Variants in KCNK10 observed in about 807,000 individuals in gnomAD.
KCNK10 encodes potassium channel subfamily K member 10.
A neutral mutation model predicts 47.7 loss-of-function variants in KCNK10; 25 were observed. That is an observed-to-expected ratio of 0.52 (90% CI 0.38 to 0.73). The LOEUF is 0.73. Among genes scored for constraint, KCNK10 ranks in the 30% least tolerant of loss-of-function variants. The pLI, the probability that KCNK10 is intolerant of heterozygous loss-of-function variation, is 0.00. For synonymous variants in KCNK10, 303 were observed against 285.6 expected, an observed-to-expected ratio of 1.06 and a Z score of -0.61; for missense variants, 563 against 714.5, an observed-to-expected ratio of 0.79 and a Z score of 2.42.
intron 4 of KCNK10, among the ~76,000 whole-genome samples, chr14:88,215,758 CAG>C (rs1566688368): frequency 6.6e-6 from 1 of 151,924 alleles, no homozygotes; most frequent in Non-Finnish European, 1.5e-5. Flanking sequence ...GAGAGAGAGA[CAG>C]AGAGACAGAG....
intron 2 of KCNK10, among the ~76,000 whole-genome samples, chr14:88,248,722 C>G (rs1415872019): frequency 1.3e-5 from 2 of 151,078 alleles, no homozygotes; most frequent in Non-Finnish European, 2.9e-5. Context: ...CAAGACTGCC[C>G]TTTACAGAAC....
rs1488312329 is a variant in KCNK10, at chr14:88,260,940, T to C, written c.402+2262A>G. On this transcript the variant is annotated intron_variant, in intron 2 of 6. Transcript: ENST00000319231. The surrounding 1 kb of genome is among the most constrained non-coding windows in gnomAD (Gnocchi z 4.5). Reference sequence around the variant, plus strand: ...AGCATCAGAATAAGGACCTCCACGCTCTCTGACCCTGTCCTTCATTCAGGT... The same window carrying C: ...AGCATCAGAATAAGGACCTCCACGCCCTCTGACCCTGTCCTTCATTCAGGT... Among the ~76,000 whole-genome samples the C allele has an allele frequency of 1.3e-5, 2 of 152,260 alleles. No homozygotes were observed. Among genetic ancestry groups the C allele is most frequent in the South Asian group, 4.1e-4 (2 of 4,820 alleles).
intron 1 of KCNK10, among the ~76,000 whole-genome samples, chr14:88,284,689 G>A (rs1370147601): frequency 2.0e-5 from 3 of 152,070 alleles, no homozygotes; most frequent in Admixed American, 6.5e-5. Flanking sequence ...TTTTTTAGCC[G>A]TGCTGGCAGC....
At chr14:88,262,382 T>C (rs1887134957) in intron 2 of KCNK10, among the ~76,000 whole-genome samples, 2 of 152,164 alleles carry the variant, frequency 1.3e-5, no homozygotes, top group South Asian at 4.1e-4. Context: ...TTCTTCCTCG[T>C]GGGAACTGCT....
At chr14:88,285,852 G>C (rs1488606279) in intron 1 of KCNK10, among the ~76,000 whole-genome samples, 1 of 152,132 alleles carries the variant, frequency 6.6e-6, no homozygotes, top group Admixed American at 6.6e-5. Flanking sequence ...CTTACTATGT[G>C]ACTTTAATAT....
chr14:88,210,017 A>G (rs1418669330), intron 4 of KCNK10, among the ~76,000 whole-genome samples: 1 of 152,256 alleles, frequency 6.6e-6, no homozygotes, highest in Admixed American at 6.5e-5. Context: ...GCTAGACTTA[A>G]CAAGTCCCTC....
intron 4 of KCNK10, among the ~76,000 whole-genome samples, chr14:88,203,861 C>T (rs765832961): frequency 1.3e-5 from 2 of 152,134 alleles, no homozygotes; most frequent in African/African-American, 4.8e-5. Flanking sequence ...GGCCAGGACA[C>T]GGTGACAACC....
At chr14:88,201,914 C>T (rs943469943) in intron 4 of KCNK10, among the ~76,000 whole-genome samples, 19 of 152,164 alleles carry the variant, frequency 1.2e-4, no homozygotes, top group African/African-American at 4.6e-4. Flanking sequence ...ACACATGCTC[C>T]ATAAGATAAA....
intron 2 of KCNK10, among the ~76,000 whole-genome samples, chr14:88,250,039 A>C (rs898855548): frequency 1.3e-5 from 2 of 152,214 alleles, no homozygotes; most frequent in African/African-American, 4.8e-5. Flanking sequence ...ACTCTAAAGG[A>C]GAACAAACCC....
intron 1 of KCNK10, among the ~76,000 whole-genome samples, chr14:88,288,722 C>T (rs1887819652): frequency 6.6e-6 from 1 of 152,212 alleles, no homozygotes; most frequent in African/African-American, 2.4e-5. Context: ...TCCCTCAATA[C>T]CGCCCAGCCA....
At chr14:88,236,316 CAAAA>C (rs3056657) in intron 3 of KCNK10, among the ~76,000 whole-genome samples, 1 of 146,012 alleles carries the variant, frequency 6.8e-6, no homozygotes. Flanking sequence ...GACCCAGTCT[CAAAA>C]AAAAAAAAAG....
chr14:88,221,164 TG>T (rs1318551047), intron 4 of KCNK10, among the ~76,000 whole-genome samples: 1 of 151,564 alleles, frequency 6.6e-6, no homozygotes, highest in Non-Finnish European at 1.5e-5. Context: ...TAGCCAGGCA[TG>T]GTGGTGCATG....
chr14:88,267,835 G>A (rs1887303490), intron 1 of KCNK10, among the ~76,000 whole-genome samples: 1 of 152,188 alleles, frequency 6.6e-6, no homozygotes, highest in South Asian at 2.1e-4. Context: ...ATGGTGATGA[G>A]GATGGTGGTG....
intron 2 of KCNK10, among the ~76,000 whole-genome samples, chr14:88,242,135 C>T (rs1309788013): frequency 6.6e-6 from 1 of 152,190 alleles, no homozygotes; most frequent in Non-Finnish European, 1.5e-5. Context: ...AATATTGAAA[C>T]GTAATTACAT....
intron 1 of KCNK10, among the ~76,000 whole-genome samples, chr14:88,282,966 C>A (rs1174264358): frequency 1.3e-5 from 2 of 152,212 alleles, no homozygotes; most frequent in African/African-American, 4.8e-5. Flanking sequence ...CCTCTTACAA[C>A]CTGCTTCAGC....
At chr14:88,200,836 G>A (rs911086535) in intron 4 of KCNK10, among the ~76,000 whole-genome samples, 2 of 152,218 alleles carry the variant, frequency 1.3e-5, no homozygotes, top group Non-Finnish European at 2.9e-5. Context: ...GCATTAAACA[G>A]TCATGCAAGG....
chr14:88,193,018 T>A (rs1014382915), intron 4 of KCNK10, among the ~76,000 whole-genome samples: 6 of 152,252 alleles, frequency 3.9e-5, no homozygotes, highest in Non-Finnish European at 8.8e-5. Context: ...CTGCTGAGGC[T>A]GTACATTTAT....
intron 4 of KCNK10, among the ~76,000 whole-genome samples, chr14:88,223,884 T>TA (rs1885901364): frequency 6.6e-6 from 1 of 152,020 alleles, no homozygotes; most frequent in Admixed American, 6.6e-5. Context: ...ACACCCGGCT[T>TA]AAAAAAATGT....
rs189033116 is a variant in KCNK10 at position 88,181,490 on chromosome 14, T to C, written c.*4045A>G. The C allele has an allele frequency of 1.3e-5, 2 of 149,558 alleles. No homozygotes were observed. The highest frequency in any genetic ancestry group is 3.9e-4 in the East Asian group (2 of 5,182). 9.3% of individuals were successfully genotyped at this position (149,558 alleles called of 1,614,324 possible). A position where few individuals can be genotyped will look rare whatever the true frequency, so the allele number is the denominator to read the frequency against. On this transcript the variant is annotated 3_prime_UTR_variant, in exon 7 of 7. Coordinates refer to ENST00000319231, the MANE Select transcript of KCNK10 (RefSeq NM_138317.3). ...TCATAGTACTTGAATTCATGATACA[T>C]GAAGTACTACAATTGACTGCAAATA...
Sources: allele counts gnomAD v4.1 joint callset (sites outside exome capture counted in the v4.1 genomes callset), GRCh38; gene constraint gnomAD v4.1.1; non-coding constraint Gnocchi (gnomAD v3.1); transcripts MANE v1.5; gene names NCBI Gene and HGNC (gene_info 2026-07-23, HGNC 2026-07-21).